The following SH3GLB1 variants were observed in gnomAD, a reference collection of about 807,000 sequenced individuals.
The protein encoded by SH3GLB1 is SH3 domain containing GRB2 like, endophilin B1, also known as endophilin-B1.
A neutral mutation model predicts 42.0 loss-of-function variants in SH3GLB1; 17 were observed. The ratio of observed to expected loss-of-function variants is 0.40; its 90% CI spans 0.28 to 0.61. The LOEUF is 0.61. Among genes scored for constraint, SH3GLB1 ranks in the 20% least tolerant of loss-of-function variants. The probability of loss-of-function intolerance (pLI) is 0.36; values close to 1 mark genes in which losing one functional copy is unlikely to be tolerated. For missense variants in SH3GLB1, 355 were observed against 426.3 expected, an observed-to-expected ratio of 0.83 and a Z score of 1.47; for synonymous variants, 132 against 146.6, an observed-to-expected ratio of 0.90 and a Z score of 0.72.
Position 86,746,306 on chromosome 1 carries a change from C to A in SH3GLB1, c.*3071C>A, listed in dbSNP as rs1035405509. The A allele has an allele frequency of 1.3e-5, 2 of 152,198 alleles. No individual in the cohort carries two copies. Among genetic ancestry groups the A allele is most frequent in the African/African-American group, 4.8e-5 (2 of 41,422 alleles). 9.4% of individuals were successfully genotyped at this position (152,198 alleles called of 1,614,324 possible). ...CAGACTTGTTTACCCATAGAGGCCC[C>A]ACTCACCTCCATGCTGACAGAATTC... is the stretch of plus-strand genomic sequence containing the variant. On this transcript the variant is annotated 3_prime_UTR_variant, in exon 9 of 9. Transcript: ENST00000370558.
At chr1:86,725,404 A>G (rs899429481) in intron 5 of SH3GLB1, among the ~76,000 whole-genome samples, 6 of 152,274 alleles carry the variant, frequency 3.9e-5, no homozygotes, top group African/African-American at 1.4e-4. Context: ...ATTAAATATA[A>G]TTAAATTTTT....
Position 86,743,395 on chromosome 1 carries a change from T to C in SH3GLB1, c.*160T>C, listed in dbSNP as rs118078895. ...TCTGCCAATAAAGTTGCATGGTAAATATTTCATTACAGAATTTATGTTAGA... is the reference window on the plus strand; with the variant it reads ...TCTGCCAATAAAGTTGCATGGTAAACATTTCATTACAGAATTTATGTTAGA... On this transcript the variant is annotated 3_prime_UTR_variant, in exon 9 of 9. Coordinates refer to ENST00000370558, the MANE Select transcript of SH3GLB1 (RefSeq NM_016009.5). 386 of 413,564 alleles carry C rather than the reference T, an allele frequency of 9.3e-4. 3 individuals carry two copies. In the East Asian group the frequency reaches 0.014, roughly 15 times the overall value. The allele number at this position is 413,564 out of a possible 1,614,324, so 25.6% of individuals were successfully genotyped here.
intron 5 of SH3GLB1, among the ~76,000 whole-genome samples, chr1:86,729,646 G>C (rs1655399424): frequency 2.0e-5 from 3 of 151,864 alleles, no homozygotes; most frequent in Non-Finnish European, 4.4e-5. Flanking sequence ...ATTTACAGCT[G>C]GTCATTTTAT....
At chr1:86,736,651 T>G (rs1199244671) in intron 7 of SH3GLB1, among the ~76,000 whole-genome samples, 4 of 152,208 alleles carry the variant, frequency 2.6e-5, no homozygotes, top group African/African-American at 7.2e-5. Context: ...CACACTATGC[T>G]TAGGACTTGG....
At chr1:86,730,681 A>G (rs1655460813) in intron 5 of SH3GLB1, among the ~76,000 whole-genome samples, 1 of 151,972 alleles carries the variant, frequency 6.6e-6, no homozygotes, top group South Asian at 2.1e-4. Context: ...TTGTATGTTT[A>G]GTAGCGGCAG....
At chr1:86,706,143 C>G (rs1236859755) in intron 1 of SH3GLB1, among the ~76,000 whole-genome samples, 1 of 152,206 alleles carries the variant, frequency 6.6e-6, no homozygotes, top group Admixed American at 6.5e-5. Context: ...TTATTAACCC[C>G]TTTTATATAT....
chr1:86,724,448 T>C (rs1186651013), intron 5 of SH3GLB1, 43 bp downstream of exon 5: 1 of 1,403,098 alleles, frequency 7.1e-7, no homozygotes, highest in South Asian at 1.3e-5. Flanking sequence ...ACTTTAAGAT[T>C]TGTAAAATAT....
chr1:86,713,602 G>A (rs1020331554), intron 1 of SH3GLB1, among the ~76,000 whole-genome samples: 6 of 152,064 alleles, frequency 3.9e-5, no homozygotes, highest in African/African-American at 1.2e-4. Flanking sequence ...GTCACAGGTC[G>A]TTTGTTACCT....
At chr1:86,731,147 T>C (rs907561249) in intron 5 of SH3GLB1, among the ~76,000 whole-genome samples, 2 of 152,194 alleles carry the variant, frequency 1.3e-5, no homozygotes, top group Non-Finnish European at 2.9e-5. Context: ...ATTTAAGGGA[T>C]AAAATTATAA....
Position 86,744,626 on chromosome 1 carries a change from A to C in SH3GLB1, c.*1391A>C, listed in dbSNP as rs1656212718. On this transcript the variant is annotated 3_prime_UTR_variant, in exon 9 of 9. Coordinates refer to ENST00000370558, the MANE Select transcript of SH3GLB1 (RefSeq NM_016009.5). Reference sequence around the variant, plus strand: ...TAAAGCAATTTACTCTAACTTAAGCATGAAGTACAAAAGTATAGTTCATTT... The same window carrying C: ...TAAAGCAATTTACTCTAACTTAAGCCTGAAGTACAAAAGTATAGTTCATTT... 6.6e-6 allele frequency: 1 copy of C among 152,212 alleles called. No homozygotes were observed. Among genetic ancestry groups the C allele is most frequent in the South Asian group, 2.1e-4 (1 of 4,834 alleles). 9.4% of individuals were successfully genotyped at this position (152,212 alleles called of 1,614,324 possible). A position where few individuals can be genotyped will look rare whatever the true frequency, so the allele number is the denominator to read the frequency against.
intron 5 of SH3GLB1, among the ~76,000 whole-genome samples, chr1:86,729,922 T>G (rs529525545): frequency 1.6e-4 from 25 of 152,230 alleles, no homozygotes; most frequent in African/African-American, 6.0e-4. Context: ...TTTCACAGTA[T>G]GTTAAGCTGT....
intron 4 of SH3GLB1, 45 bp downstream of exon 4, chr1:86,722,718 A>T: frequency 6.7e-7 from 1 of 1,482,948 alleles, no homozygotes; most frequent in Non-Finnish European, 9.1e-7. Flanking sequence ...TCATTTAGAT[A>T]TATATACTTT....
chr1:86,734,397 C>G (rs1040314284), intron 5 of SH3GLB1: 21 of 484,754 alleles, frequency 4.3e-5, no homozygotes, highest in Admixed American at 1.4e-4. Flanking sequence ...CAATCAAGTA[C>G]TGGAATCAGT....
chr1:86,722,833 A>G lies in SH3GLB1; in HGVS notation c.477+160A>G, dbSNP rs935568783. 9.2e-5 allele frequency among the ~76,000 whole-genome samples: 14 copies of G among 152,234 alleles called. No individual in the cohort carries two copies. The highest frequency in any genetic ancestry group is 3.1e-4 in the African/African-American group (13 of 41,466). On this transcript the variant is annotated intron_variant, in intron 4 of 8. Transcript: ENST00000370558. ...CACCAGAACACAAAATTAAACCAAA[A>G]TAAAAGACTACTGAACATTTACTCC...
At chr1:86,710,314 G>C (rs1186130601) in intron 1 of SH3GLB1, among the ~76,000 whole-genome samples, 2 of 151,540 alleles carry the variant, frequency 1.3e-5, no homozygotes, top group East Asian at 3.9e-4. Flanking sequence ...GCCCAGGCTG[G>C]AGTGCAGTGG....
In SH3GLB1 at chr1:86,747,993, A is replaced by G. The variant is rs1331075150; in HGVS notation, c.*4758A>G. 2.6e-5 allele frequency: 4 copies of G among 152,166 alleles called. No homozygotes were observed. Among genetic ancestry groups the G allele is most frequent in the African/African-American group, 9.7e-5 (4 of 41,440 alleles). The allele number at this position is 152,166 out of a possible 1,614,324, so 9.4% of individuals were successfully genotyped here. A position where few individuals can be genotyped will look rare whatever the true frequency, so the allele number is the denominator to read the frequency against. On this transcript the variant is annotated 3_prime_UTR_variant, in exon 9 of 9. Coordinates refer to ENST00000370558, the MANE Select transcript of SH3GLB1 (RefSeq NM_016009.5). The stretch of plus-strand genomic sequence containing the variant: ...TTCTGTGCATTTATAGATATTTTTA[A>G]TGGGATCAAAGTGTACATACTGTTT...
At chr1:86,715,044 A>G (rs1001639415) in intron 1 of SH3GLB1, among the ~76,000 whole-genome samples, 2 of 152,228 alleles carry the variant, frequency 1.3e-5, no homozygotes, top group East Asian at 1.9e-4. Flanking sequence ...AAGTTAGTCT[A>G]TAAATAAATT....
chr1:86,736,329 T>C (rs1260603582), intron 7 of SH3GLB1, among the ~76,000 whole-genome samples: 4 of 152,208 alleles, frequency 2.6e-5, no homozygotes, highest in Admixed American at 2.6e-4. Context: ...CTTTGGTGTT[T>C]GTTTCTGCAC....
intron 5 of SH3GLB1, among the ~76,000 whole-genome samples, chr1:86,729,718 C>T (rs1056040102): frequency 1.3e-5 from 2 of 152,036 alleles, no homozygotes; most frequent in African/African-American, 2.4e-5. Context: ...GCCATTAATC[C>T]TTGCTTTGCT....
Sources: gnomAD v4.1 joint callset for allele counts (sites outside exome capture counted in the v4.1 genomes callset) on GRCh38, gnomAD v4.1.1 for gene constraint, MANE v1.5 for transcripts, NCBI Gene and HGNC (gene_info 2026-07-23, HGNC 2026-07-21) for gene names.